Variants in CCDC102B observed in about 807,000 individuals in gnomAD.
CCDC102B encodes the protein coiled-coil domain-containing protein 102B.
A neutral mutation model predicts 57.4 loss-of-function variants in CCDC102B; 75 were observed. The ratio of observed to expected loss-of-function variants is 1.31; its 90% CI spans 1.08 to 1.58. The LOEUF is 1.58. Among genes scored for constraint, CCDC102B ranks in the 40% most tolerant of loss-of-function variants. The pLI, the probability that CCDC102B is intolerant of heterozygous loss-of-function variation, is 0.00. For synonymous variants in CCDC102B, 206 were observed against 201.9 expected (o/e 1.02, Z -0.17); for missense variants, 636 against 582.6 (o/e 1.09, Z -0.94).
chr18:68,864,184 A>C (rs1304523604), intron 4 of CCDC102B, among the ~76,000 whole-genome samples: 3 of 151,914 alleles, frequency 2.0e-5, no homozygotes, highest in Admixed American at 6.6e-5. Context: ...GGATTTTAGC[A>C]TTTTATTTAT....
chr18:69,029,236 T>A (rs964749166), intron 7 of CCDC102B, among the ~76,000 whole-genome samples: 1 of 152,226 alleles, frequency 6.6e-6, no homozygotes, highest in Non-Finnish European at 1.5e-5. Flanking sequence ...GTATTATCTC[T>A]TTCATTAGTC....
At chr18:68,896,610 T>C (rs930547304) in intron 5 of CCDC102B, among the ~76,000 whole-genome samples, 8 of 152,042 alleles carry the variant, frequency 5.3e-5, no homozygotes, top group Non-Finnish European at 1.2e-4. Flanking sequence ...TACGATTTTA[T>C]TTGTGGTATA....
chr18:68,898,328 C>T (rs1422240747), intron 6 of CCDC102B, among the ~76,000 whole-genome samples: 1 of 151,996 alleles, frequency 6.6e-6, no homozygotes, highest in Non-Finnish European at 1.5e-5. Context: ...AATTGAATTC[C>T]ATATTATTTC....
intron 2 of CCDC102B, among the ~76,000 whole-genome samples, chr18:68,782,006 A>G (rs1334781660): frequency 2.0e-5 from 3 of 152,138 alleles, no homozygotes; most frequent in East Asian, 1.9e-4. Flanking sequence ...AATAATTTCT[A>G]TCATTTAACC....
chr18:68,724,414 G>T (rs1361678356), intron 2 of CCDC102B, among the ~76,000 whole-genome samples: 1 of 152,114 alleles, frequency 6.6e-6, no homozygotes, highest in Non-Finnish European at 1.5e-5. Flanking sequence ...TCGTCAGGCT[G>T]CACATTTTCC....
chr18:68,946,024 G>A (rs62095036), intron 6 of CCDC102B, among the ~76,000 whole-genome samples: 35,842 of 151,668 alleles, frequency 0.24, 4,872 homozygotes, highest in African/African-American at 0.34. Context: ...TGGTTTAGTT[G>A]TTTCTAAGTA....
intron 7 of CCDC102B, among the ~76,000 whole-genome samples, chr18:69,041,167 C>G (rs2052424739): frequency 1.3e-5 from 2 of 152,038 alleles, no homozygotes; most frequent in African/African-American, 4.8e-5. Flanking sequence ...TGTATTTTAT[C>G]TCTTATTACA....
At chr18:68,925,420 T>C (rs895386248) in intron 6 of CCDC102B, among the ~76,000 whole-genome samples, 2 of 151,848 alleles carry the variant, frequency 1.3e-5, no homozygotes. Context: ...GAGGCCTGAG[T>C]CTGTTCATTA....
chr18:68,938,612 A>T (rs968790638), intron 6 of CCDC102B, among the ~76,000 whole-genome samples: 1 of 151,892 alleles, frequency 6.6e-6, no homozygotes, highest in Non-Finnish European at 1.5e-5. Flanking sequence ...GAAAATTAGT[A>T]TCATTTTATA....
chr18:68,956,467 ATATAT>A (rs1215724434), intron 6 of CCDC102B, among the ~76,000 whole-genome samples: 29 of 11,130 alleles, frequency 2.6e-3, no homozygotes, highest in East Asian at 8.3e-3. Context: ...TATTTTATAT[ATATAT>A]TATATATATA....
At chr18:68,991,250 G>T (rs2145324696) in intron 6 of CCDC102B, among the ~76,000 whole-genome samples, 1 of 150,518 alleles carries the variant, frequency 6.6e-6, no homozygotes, top group African/African-American at 2.4e-5. Context: ...CAATAGCTTT[G>T]TCTATCAGGA....
intron 2 of CCDC102B, among the ~76,000 whole-genome samples, chr18:68,748,096 C>T (rs1003551185): frequency 3.3e-5 from 5 of 151,934 alleles, no homozygotes; most frequent in East Asian, 1.9e-4. Flanking sequence ...TTTTGATTTT[C>T]GTTTCCCTGA....
intron 2 of CCDC102B, among the ~76,000 whole-genome samples, chr18:68,774,218 A>G (rs1199780762): frequency 1.3e-5 from 2 of 151,850 alleles, no homozygotes; most frequent in Non-Finnish European, 2.9e-5. Flanking sequence ...TTGATACTGG[A>G]TTTGTCACTA....
In CCDC102B at chr18:68,791,150, G is replaced by A. The variant is rs188883187; in HGVS notation, c.-66-32216G>A. Among the ~76,000 whole-genome samples the A allele has an allele frequency of 2.0e-3, 298 of 152,332 alleles. 3 individuals carry two copies. Among genetic ancestry groups the A allele is most frequent in the African/African-American group, 7.0e-3 (289 of 41,574 alleles). On this transcript the variant is annotated intron_variant, in intron 2 of 3. Transcript: ENST00000578970. ...GACAATTATGCATTGAGGAGGATTA[G>A]TTCTGTCTTGAAAGAGATTATTTAG...
Position 68,972,096 on chromosome 18 carries a change from C to G in CCDC102B, c.1264-38838C>G, listed in dbSNP as rs183974979. ...GAAATATTAGAATAGTAGGCTGGAACATAGACATTTACAAAATCCAAAGTA... is the reference window on the plus strand; with the variant it reads ...GAAATATTAGAATAGTAGGCTGGAAGATAGACATTTACAAAATCCAAAGTA... On this transcript the variant is annotated intron_variant, in intron 6 of 7. Coordinates refer to ENST00000360242, the MANE Select transcript of CCDC102B (RefSeq NM_024781.3). 5.9e-5 allele frequency among the ~76,000 whole-genome samples: 9 copies of G among 152,256 alleles called. No individual in the cohort carries two copies. The East Asian group carries it at 1.2e-3, about 20-fold the overall frequency.
intron 5 of CCDC102B, among the ~76,000 whole-genome samples, chr18:68,886,972 G>C (rs570223138): frequency 0.26 from 40,098 of 151,688 alleles, 6,186 homozygotes; most frequent in Non-Finnish European, 0.35. Flanking sequence ...GACTTATGAG[G>C]CAATCCCATA....
chr18:68,917,872 T>G (rs1466591658), intron 6 of CCDC102B, among the ~76,000 whole-genome samples: 1 of 152,200 alleles, frequency 6.6e-6, no homozygotes, highest in Non-Finnish European at 1.5e-5. Context: ...TAAAAAGTTA[T>G]TTTTATTGGA....
intron 2 of CCDC102B, chr18:68,838,428 A>C (rs1407896816): frequency 1.0e-6 from 1 of 985,250 alleles, no homozygotes; most frequent in East Asian, 1.1e-4. Flanking sequence ...GTTTGTGCAG[A>C]GTTATTTTTA....
chr18:69,003,751 C>T (rs2051267795), intron 6 of CCDC102B, among the ~76,000 whole-genome samples: 1 of 152,100 alleles, frequency 6.6e-6, no homozygotes, highest in Non-Finnish European at 1.5e-5. Context: ...TTTATATGTG[C>T]TTTTACAGAT....
Sources: allele counts gnomAD v4.1 joint callset (sites outside exome capture counted in the v4.1 genomes callset), GRCh38; gene constraint gnomAD v4.1.1; transcripts MANE v1.5; gene names NCBI Gene and HGNC (gene_info 2026-07-23, HGNC 2026-07-21).